The following IL17F variants were observed in gnomAD, a reference collection of about 807,000 sequenced individuals.
IL17F encodes the protein interleukin-17F.
Under a neutral mutation model 8.3 loss-of-function variants are expected in IL17F, and 6 were observed. The ratio of observed to expected loss-of-function variants is 0.73; its 90% CI spans 0.40 to 1.43. The LOEUF (loss-of-function observed/expected upper bound fraction) is 1.43. Among genes scored for constraint, IL17F ranks in the 40% most tolerant of loss-of-function variants. The pLI is 0.02. For synonymous variants in IL17F, 98 were observed against 81.6 expected (o/e 1.20, Z -1.08); for missense variants, 204 against 209.6 (o/e 0.97, Z 0.17).
chr6:52,242,479 G>A (rs11465547), intron 1 of IL17F, among the ~76,000 whole-genome samples: 332 of 152,302 alleles, frequency 2.2e-3, no homozygotes, highest in African/African-American at 7.7e-3. Context: ...GCACTGTTAT[G>A]TTTCTTGCTG....
At chr6:52,238,635 AT>A (rs1764010608) in intron 2 of IL17F, 94 bp downstream of exon 2, 1 of 1,113,064 alleles carries the variant, frequency 9.0e-7, no homozygotes, top group Non-Finnish European at 1.3e-6. Context: ...TTTCCCTTTT[AT>A]TTTTTCTATG....
upstream of IL17F, among the ~76,000 whole-genome samples, chr6:52,244,824 T>A (rs1308372436): frequency 1.3e-5 from 2 of 152,242 alleles, no homozygotes; most frequent in African/African-American, 4.8e-5. Flanking sequence ...CCAACACCCT[T>A]GTCACGGACC....
At chr6:52,242,574 A>AT (rs1298895696) in intron 1 of IL17F, among the ~76,000 whole-genome samples, 2 of 152,248 alleles carry the variant, frequency 1.3e-5, no homozygotes, top group East Asian at 3.8e-4. Flanking sequence ...CTTGGATGCA[A>AT]TGGCTTTAAA....
rs536611628 is a variant in IL17F, at chr6:52,239,446, G to A, written c.34-496C>T. On this transcript the variant is annotated intron_variant, in intron 1 of 2. Transcript: ENST00000336123. Reference sequence around the variant, plus strand: ...TGAATCTCCCACAAAATCCTTCTTCGGAGCCACCCCTCTACCTAGAATACA... The same window carrying A: ...TGAATCTCCCACAAAATCCTTCTTCAGAGCCACCCCTCTACCTAGAATACA... Among the ~76,000 whole-genome samples the A allele has an allele frequency of 2.8e-3, 429 of 152,072 alleles. 2 individuals carry two copies. The highest frequency in any genetic ancestry group is 0.01 in the Middle Eastern group (3 of 294).
chr6:52,245,042 C>T (rs989986076), upstream of IL17F, among the ~76,000 whole-genome samples: 1 of 152,118 alleles, frequency 6.6e-6, no homozygotes, highest in Admixed American at 6.5e-5. Context: ...ATTTTTTAAC[C>T]CCATGGTTAG....
rs113299618 is a variant in IL17F, at chr6:52,237,171, G to A, written c.255-3C>T. On this transcript the variant is annotated splice_region_variant and splice_polypyrimidine_tract_variant and intron_variant, in intron 2 of 2. Transcript: ENST00000336123. ...ACCGGTTGGGGTCCCAAGTGACACT[G>A]CAGGAGGAGCAAGCCAAAGCACAAT... is the stretch of plus-strand genomic sequence containing the variant. 1 of 1,610,164 alleles carries A rather than the reference G, an allele frequency of 6.2e-7. No individual in the cohort carries two copies. Among genetic ancestry groups the A allele is most frequent in the Middle Eastern group, 1.7e-4 (1 of 5,996 alleles).
chr6:52,237,153 G>T lies in IL17F; in HGVS notation c.270C>A (p.Pro90=). ...GTACAACTTCCGAGGGGTACCGGTT[G>T]GGGTCCCAAGTGACACTGCAGGAGG... ...SPWNYTVTWD[P]NRYPSEVVQA... The change falls in exon 3 of 3, where the codon CCC becomes CCA. Residue 90 remains proline (P), a synonymous_variant. Transcript: ENST00000336123. The T allele has an allele frequency of 6.2e-7, 1 of 1,613,884 alleles. No individual in the cohort carries two copies. Among genetic ancestry groups the T allele is most frequent in the South Asian group, 1.1e-5 (1 of 91,030 alleles).
chr6:52,237,994 C>T (rs1157308188), intron 2 of IL17F, among the ~76,000 whole-genome samples: 1 of 152,182 alleles, frequency 6.6e-6, no homozygotes, highest in Non-Finnish European at 1.5e-5. Context: ...CTGCTGTGGC[C>T]CTAGGGCGCC....
Position 52,239,019 on chromosome 6 carries a change from G to A in IL17F, c.34-69C>T, listed in dbSNP as rs182658960. On this transcript the variant is annotated intron_variant, in intron 1 of 2. Transcript: ENST00000336123. ...CCTACTAGCAAGAGATGCATGGTCT[G>A]GCGGAACTCAGCATTCCTGTCCTTT... 19 of 1,367,684 alleles carry A rather than the reference G, an allele frequency of 1.4e-5. No individual in the cohort carries two copies. In the East Asian group the frequency reaches 4.3e-4, roughly 31 times the overall value. The allele number at this position is 1,367,684 out of a possible 1,614,324, so 84.7% of individuals were successfully genotyped here.
intron 1 of IL17F, among the ~76,000 whole-genome samples, chr6:52,240,316 A>T (rs1764050668): frequency 6.6e-6 from 1 of 152,002 alleles, no homozygotes; most frequent in Non-Finnish European, 1.5e-5. Context: ...GCACGCCTGC[A>T]ATCCCAGCTA....
rs776587391 is a variant in IL17F, at chr6:52,237,101, T to G, written c.322A>C (p.Ile108Leu). Residue 108 changes from isoleucine (I) to leucine (L), a missense_variant, in exon 3 of 3, where the codon ATC (isoleucine) becomes CTC (leucine). Transcript: ENST00000336123. The part of the protein sequence containing the change: ...VQAQCRNLGC[I>L]NAQGKEDISM... ...ATGTCTTCCTTTCCTTGAGCATTGATGCAGCCCAAGTTCCTACACTGGGCC... is the reference window on the plus strand; with the variant it reads ...ATGTCTTCCTTTCCTTGAGCATTGAGGCAGCCCAAGTTCCTACACTGGGCC... 1.2e-6 allele frequency: 2 copies of G among 1,614,202 alleles called. No homozygotes were observed. The highest frequency in any genetic ancestry group is 8.5e-7 in the Non-Finnish European group (1 of 1,180,016).
In IL17F at chr6:52,244,477, A is replaced by G. The variant is rs140679432; in HGVS notation, c.-48T>C. On this transcript the variant is annotated 5_prime_UTR_variant, in exon 1 of 3. Coordinates refer to ENST00000336123, the MANE Select transcript of IL17F (RefSeq NM_052872.4). The stretch of plus-strand genomic sequence containing the variant: ...TGCAGGAAGCTCTTTCTGTGAATGT[A>G]TCTTCCTGTGTATGCCTGTGTTCTA... 7.0e-5 allele frequency: 112 copies of G among 1,589,906 alleles called. No homozygotes were observed. The East Asian group carries it at 1.8e-3, about 25-fold the overall frequency.
chr6:52,245,274 C>T (rs1764142342), upstream of IL17F, among the ~76,000 whole-genome samples: 1 of 152,188 alleles, frequency 6.6e-6, no homozygotes, highest in Admixed American at 6.5e-5. Flanking sequence ...TAGGTAGAGT[C>T]AGATCCCACA....
rs114434228 is a variant in IL17F, at chr6:52,237,476, C to T, written c.255-308G>A. Among the ~76,000 whole-genome samples, 231 of 152,276 alleles carry T rather than the reference C, an allele frequency of 1.5e-3. 1 individual carries two copies. Among genetic ancestry groups the T allele is most frequent in the African/African-American group, 5.4e-3 (226 of 41,532 alleles). On this transcript the variant is annotated intron_variant, in intron 2 of 2. Coordinates refer to ENST00000336123, the MANE Select transcript of IL17F (RefSeq NM_052872.4). ...TGTACAAATGTTAGCATTCAATTAA[C>T]ATTAGATCTTTCATTGGCATTATTA...
At chr6:52,240,144 G>A (rs1764046822) in intron 1 of IL17F, among the ~76,000 whole-genome samples, 1 of 152,106 alleles carries the variant, frequency 6.6e-6, no homozygotes, top group African/African-American at 2.4e-5. Context: ...TAATACAGAA[G>A]AAGAGCTGAA....
At chr6:52,238,606 T>C (rs1317296016) in intron 2 of IL17F, 124 bp downstream of exon 2, 6 of 906,518 alleles carry the variant, frequency 6.6e-6, no homozygotes, top group South Asian at 1.6e-5. Flanking sequence ...TAAAGTGAAA[T>C]TTTCATTGTT....
chr6:52,244,584 A>C (rs1194299789), upstream of IL17F: 2 of 719,442 alleles, frequency 2.8e-6, no homozygotes, highest in African/African-American at 3.6e-5. Context: ...GTTGTGGTTG[A>C]CCCGGAGTTA....
chr6:52,236,784 T>G lies in IL17F; in HGVS notation c.*147A>C. On this transcript the variant is annotated 3_prime_UTR_variant, in exon 3 of 3. Coordinates refer to ENST00000336123, the MANE Select transcript of IL17F (RefSeq NM_052872.4). ...AAGTGTAGTACATACACACATACATTGTGAATATTTTCTGTTTCCATCCGT... is the reference window on the plus strand; with the variant it reads ...AAGTGTAGTACATACACACATACATGGTGAATATTTTCTGTTTCCATCCGT... 1.3e-6 allele frequency: 1 copy of G among 754,466 alleles called. No homozygotes were observed. Among genetic ancestry groups the G allele is most frequent in the Non-Finnish European group, 2.4e-6 (1 of 411,272 alleles). 46.7% of individuals were successfully genotyped at this position (754,466 alleles called of 1,614,324 possible).
At chr6:52,239,831 C>T (rs769539495) in intron 1 of IL17F, among the ~76,000 whole-genome samples, 62 of 152,156 alleles carry the variant, frequency 4.1e-4, no homozygotes, top group Non-Finnish European at 8.2e-4. Context: ...GCAAAACCAA[C>T]GATAGCAAAG....
Sources: allele counts gnomAD v4.1 joint callset (sites outside exome capture counted in the v4.1 genomes callset), GRCh38; gene constraint gnomAD v4.1.1; transcripts MANE v1.5; gene names NCBI Gene and HGNC (gene_info 2026-07-23, HGNC 2026-07-21).